The following NBAS variants were observed in gnomAD, a reference collection of about 807,000 sequenced individuals.
The protein encoded by NBAS is NBAS subunit of NRZ tethering complex.
NBAS carries 219 observed loss-of-function variants against 302.5 expected under a neutral mutation model. The observed-to-expected ratio is 0.72, with a 90% CI of 0.65 to 0.81. The LOEUF (loss-of-function observed/expected upper bound fraction) is 0.81, where lower values mean the gene tolerates loss of function less well. NBAS is among the 30% of genes least tolerant of loss of function. NBAS has a pLI of 0.00. For synonymous variants in NBAS, 1,118 were observed against 1,021.6 expected, an observed-to-expected ratio of 1.09 and a Z score of -1.80; for missense variants, 2,932 against 2,841.6, an observed-to-expected ratio of 1.03 and a Z score of -0.72.
intron 16 of NBAS, among the ~76,000 whole-genome samples, chr2:15,470,082 C>T (rs1679894931): frequency 6.6e-6 from 1 of 152,148 alleles, no homozygotes; most frequent in African/African-American, 2.4e-5. Flanking sequence ...AGATTTGACT[C>T]ATTCCCTAGG....
the NBAS span, among the ~76,000 whole-genome samples, chr2:14,855,382 C>T: frequency 6.6e-6 from 1 of 151,882 alleles, no homozygotes; most frequent in South Asian, 2.1e-4. Flanking sequence ...GAGAAGAGCA[C>T]AGGAAAAAGT....
chr2:15,238,208 T>C (rs910794101), intron 45 of NBAS, among the ~76,000 whole-genome samples: 1 of 152,178 alleles, frequency 6.6e-6, no homozygotes, highest in Admixed American at 6.5e-5. Flanking sequence ...TGCTACCATC[T>C]CCATTTCCAC....
the NBAS span, among the ~76,000 whole-genome samples, chr2:14,916,550 A>T: frequency 6.6e-6 from 1 of 152,128 alleles, no homozygotes; most frequent in Non-Finnish European, 1.5e-5. Flanking sequence ...TTTGTAGCAT[A>T]GCTAAATATC....
chr2:14,829,040 C>CT, the NBAS span, among the ~76,000 whole-genome samples: 1,289 of 140,598 alleles, frequency 9.2e-3, 22 homozygotes, highest in African/African-American at 0.028. Context: ...TTTTGTTTTT[C>CT]TTTTTTTTTT....
the NBAS span, among the ~76,000 whole-genome samples, chr2:15,125,740 G>A: frequency 6.6e-6 from 1 of 152,200 alleles, no homozygotes; most frequent in African/African-American, 2.4e-5. Context: ...GAATGGGAAT[G>A]TTTACCCAAT....
At chr2:15,328,458 C>A (rs940249881) in intron 36 of NBAS, 146 bp from the exon 37 acceptor site, 2 of 708,032 alleles carry the variant, frequency 2.8e-6, no homozygotes, top group East Asian at 2.6e-5. Flanking sequence ...GCATTTCCCA[C>A]GACCTAAAAA....
At chr2:15,168,495 T>C (rs944169843) in intron 51 of NBAS, among the ~76,000 whole-genome samples, 33 of 152,370 alleles carry the variant, frequency 2.2e-4, no homozygotes, top group African/African-American at 7.9e-4. Flanking sequence ...TCACCTCCAA[T>C]GCCATCTTCT....
At chr2:15,172,165 TTAA>T (rs1664327568) in intron 51 of NBAS, among the ~76,000 whole-genome samples, 1 of 152,244 alleles carries the variant, frequency 6.6e-6, no homozygotes, top group South Asian at 2.1e-4. Context: ...GCTTTAGGTG[TTAA>T]TATTTTGATA....
chr2:15,353,735 T>C (rs1442304062), intron 33 of NBAS, 25 bp from the exon 34 acceptor site: 3 of 1,613,660 alleles, frequency 1.9e-6, no homozygotes, highest in Admixed American at 3.3e-5. Flanking sequence ...AGGAAAAAAA[T>C]GATTCCCAAA....
chr2:14,869,333 C>T, the NBAS span, among the ~76,000 whole-genome samples: 10 of 152,092 alleles, frequency 6.6e-5, no homozygotes, highest in African/African-American at 1.7e-4. Context: ...GGAAAATATC[C>T]GTTTCTCCAT....
the NBAS span, among the ~76,000 whole-genome samples, chr2:14,955,589 G>T: frequency 1.3e-5 from 2 of 152,202 alleles, no homozygotes; most frequent in Non-Finnish European, 2.9e-5. Flanking sequence ...CATCCTCTAA[G>T]ATCTAGGCAG....
chr2:15,144,438 T>C, the NBAS span, among the ~76,000 whole-genome samples: 1 of 152,230 alleles, frequency 6.6e-6, no homozygotes, highest in Admixed American at 6.5e-5. Flanking sequence ...GTTTGGCTTG[T>C]GTTTATTACT....
chr2:15,497,161 G>C (rs1681103223), intron 11 of NBAS, among the ~76,000 whole-genome samples: 1 of 152,130 alleles, frequency 6.6e-6, no homozygotes, highest in Admixed American at 6.5e-5. Flanking sequence ...GACAGTCATG[G>C]GCCAGCTTAT....
chr2:15,036,883 G>T, the NBAS span, among the ~76,000 whole-genome samples: 3 of 152,134 alleles, frequency 2.0e-5, no homozygotes, highest in African/African-American at 7.2e-5. Context: ...CCAAGGAGGG[G>T]CCTGGGCAGG....
At chr2:15,046,019 A>G in the NBAS span, among the ~76,000 whole-genome samples, 1 of 152,158 alleles carries the variant, frequency 6.6e-6, no homozygotes, top group East Asian at 1.9e-4. Flanking sequence ...CAGCTGAACT[A>G]TTGCTACTCA....
intron 25 of NBAS, among the ~76,000 whole-genome samples, chr2:15,405,511 A>G (rs1676366772): frequency 6.6e-6 from 1 of 152,182 alleles, no homozygotes; most frequent in Non-Finnish European, 1.5e-5. Context: ...TTCTCAAGCT[A>G]AAAGAGGACA....
rs573094776 is a variant in NBAS, at chr2:15,218,192, A to C, written c.6432+581T>G. Among the ~76,000 whole-genome samples the C allele has an allele frequency of 7.9e-5, 12 of 152,306 alleles. No homozygotes were observed. The East Asian group carries it at 1.5e-3, about 20-fold the overall frequency. ...AAGAGTAAGCCACCATGATTAACGG[A>C]TACTGTGAACCATCCTATCTCCTAT... On this transcript the variant is annotated intron_variant, in intron 48 of 51. Coordinates refer to ENST00000281513, the MANE Select transcript of NBAS (RefSeq NM_015909.4).
At chr2:15,302,200 A>G (rs182083836) in intron 40 of NBAS, among the ~76,000 whole-genome samples, 8 of 152,224 alleles carry the variant, frequency 5.3e-5, no homozygotes, top group Admixed American at 5.2e-4. Flanking sequence ...AAGACATTCA[A>G]AAAGGCTTTG....
the NBAS span, among the ~76,000 whole-genome samples, chr2:15,041,818 C>T: frequency 5.9e-5 from 9 of 152,326 alleles, no homozygotes; most frequent in East Asian, 1.4e-3. Flanking sequence ...CTTCCAAGGG[C>T]TCTGCCGGCT....
Sources: gnomAD v4.1 joint callset for allele counts (sites outside exome capture counted in the v4.1 genomes callset) on GRCh38, gnomAD v4.1.1 for gene constraint, MANE v1.5 for transcripts, NCBI Gene and HGNC (gene_info 2026-07-23, HGNC 2026-07-21) for gene names.